The following RBFOX1 variants were observed in gnomAD, a reference collection of about 807,000 sequenced individuals.
RBFOX1 encodes the protein RNA binding protein fox-1 homolog 1.
In RBFOX1, 8 loss-of-function variants were observed where a neutral mutation model predicts 57.7. The observed-to-expected ratio is 0.14, with a 90% CI of 0.08 to 0.25. The LOEUF is 0.25. Ranked by LOEUF, RBFOX1 falls within the 10% of genes least tolerant of loss-of-function variation. The probability of loss-of-function intolerance (pLI) is 1.00; values close to 1 mark genes in which losing one functional copy is unlikely to be tolerated. For missense variants in RBFOX1, 611 were observed against 548.5 expected (o/e 1.11, Z -1.14); for synonymous variants, 326 against 222.4 (o/e 1.47, Z -4.15).
intron 3 of RBFOX1, among the ~76,000 whole-genome samples, chr16:6,695,454 G>C (rs1187546695): frequency 7.1e-6 from 1 of 140,406 alleles, no homozygotes; most frequent in Non-Finnish European, 1.6e-5. Context: ...GAAGGGAAAG[G>C]AAAGGAAAAG....
At chr16:7,442,224 C>G (rs148407610) in intron 4 of RBFOX1, among the ~76,000 whole-genome samples, 1 of 152,240 alleles carries the variant, frequency 6.6e-6, no homozygotes, top group Non-Finnish European at 1.5e-5. Flanking sequence ...GGTCTCCTGA[C>G]TACTCCAATG....
At chr16:7,065,616 A>C (rs1433523759) in intron 4 of RBFOX1, among the ~76,000 whole-genome samples, 1 of 152,246 alleles carries the variant, frequency 6.6e-6, no homozygotes, top group African/African-American at 2.4e-5. Context: ...TGAACTAATT[A>C]GCATTGCATG....
intron 4 of RBFOX1, among the ~76,000 whole-genome samples, chr16:7,409,148 G>A (rs1198799804): frequency 1.3e-5 from 2 of 152,162 alleles, no homozygotes; most frequent in East Asian, 1.9e-4. Context: ...CTGTGATCAG[G>A]TTCCGGGAGC....
chr16:6,961,746 C>G (rs1452297345), intron 3 of RBFOX1, among the ~76,000 whole-genome samples: 2 of 152,142 alleles, frequency 1.3e-5, no homozygotes, highest in African/African-American at 4.8e-5. Context: ...GTGATTGTTT[C>G]ACGGCGTTTT....
chr16:5,634,453 A>T (rs1474720713), intron 3 of RBFOX1, among the ~76,000 whole-genome samples: 1 of 152,258 alleles, frequency 6.6e-6, no homozygotes, highest in Non-Finnish European at 1.5e-5. Context: ...ATCATTTTAA[A>T]TTGCAAAGGG....
chr16:6,118,328 C>G (rs1020626567), intron 1 of RBFOX1, among the ~76,000 whole-genome samples: 19 of 152,082 alleles, frequency 1.2e-4, no homozygotes, highest in African/African-American at 4.3e-4. Flanking sequence ...TTACAAAATA[C>G]CTTACATTGG....
At chr16:7,132,938 A>C (rs1488330799) in intron 4 of RBFOX1, among the ~76,000 whole-genome samples, 1 of 152,202 alleles carries the variant, frequency 6.6e-6, no homozygotes, top group Admixed American at 6.5e-5. Context: ...ACATTTTTTC[A>C]CTTGTGATTC....
chr16:5,435,163 C>A lies in RBFOX1; in HGVS notation c.220-32053C>A, dbSNP rs185166154. ...TCTCTAGCAACTCACCTGATTCTTC[C>A]CTGTGGTTCCCCCTGTTTACGCTCT... On this transcript the variant is annotated intron_variant, in intron 1 of 2. Transcript: ENST00000585867. Among the ~76,000 whole-genome samples the A allele has an allele frequency of 9.9e-4, 150 of 152,284 alleles. 1 individual carries two copies. Among genetic ancestry groups the A allele is most frequent in the Middle Eastern group, 3.4e-3 (1 of 294 alleles).
chr16:7,416,276 C>T (rs780474745), intron 4 of RBFOX1, among the ~76,000 whole-genome samples: 6 of 152,218 alleles, frequency 3.9e-5, no homozygotes, highest in Non-Finnish European at 7.3e-5. Context: ...GTCTCTCAGA[C>T]TACTCTGTGC....
chr16:7,330,469 G>T (rs1278874529), intron 4 of RBFOX1, among the ~76,000 whole-genome samples: 1 of 103,302 alleles, frequency 9.7e-6, no homozygotes, highest in Non-Finnish European at 1.9e-5. Flanking sequence ...AATATGGAGA[G>T]CTCTGTGTGT....
At chr16:6,013,299 A>C (rs1265221402) in intron 4 of RBFOX1, among the ~76,000 whole-genome samples, 1 of 152,214 alleles carries the variant, frequency 6.6e-6, no homozygotes, top group African/African-American at 2.4e-5. Flanking sequence ...CTTAGTTTCT[A>C]CTTATTATTA....
intron 1 of RBFOX1, among the ~76,000 whole-genome samples, chr16:6,099,526 G>T (rs150177750): frequency 1.2e-3 from 178 of 152,192 alleles, no homozygotes; most frequent in African/African-American, 4.0e-3. Context: ...AGGGTCTGAG[G>T]GGATGGGGAA....
chr16:6,360,487 C>T (rs1489818189), intron 2 of RBFOX1, among the ~76,000 whole-genome samples: 1 of 152,078 alleles, frequency 6.6e-6, no homozygotes, highest in Non-Finnish European at 1.5e-5. Context: ...ACAGCTTACA[C>T]CTCAGGTTTT....
At chr16:6,604,964 A>G (rs916809766) in intron 2 of RBFOX1, among the ~76,000 whole-genome samples, 11 of 152,066 alleles carry the variant, frequency 7.2e-5, no homozygotes, top group African/African-American at 2.7e-4. Flanking sequence ...GCAAAACCTC[A>G]TCTTTACCAA....
intron 4 of RBFOX1, among the ~76,000 whole-genome samples, chr16:7,504,771 T>TTATATATATATATA (rs1200144121): frequency 4.0e-5 from 2 of 49,834 alleles, no homozygotes; most frequent in Admixed American, 2.5e-4. Flanking sequence ...ATATATATAT[T>TTATATATATATATA]TATATATATA....
intron 2 of RBFOX1, among the ~76,000 whole-genome samples, chr16:6,463,830 TAGA>T (rs2094976994): frequency 6.6e-6 from 1 of 152,064 alleles, no homozygotes; most frequent in Admixed American, 6.6e-5. Context: ...TCCCCACTGT[TAGA>T]AGGAGGTGAG....
chr16:7,482,899 G>C (rs952580494), intron 4 of RBFOX1, among the ~76,000 whole-genome samples: 1 of 152,132 alleles, frequency 6.6e-6, no homozygotes, highest in Non-Finnish European at 1.5e-5. Context: ...GAGGGGGGCA[G>C]CTTTTGGCTG....
chr16:5,752,913 C>G lies in RBFOX1; in HGVS notation c.319-114390C>G, dbSNP rs139507933. Among the ~76,000 whole-genome samples, 640 of 152,298 alleles carry G rather than the reference C, an allele frequency of 4.2e-3. 6 individuals are homozygous for G. Among genetic ancestry groups the G allele is most frequent in the African/African-American group, 0.014 (600 of 41,570 alleles). The stretch of plus-strand genomic sequence containing the variant: ...AAAGAGTGCCCAGCACTTTGGGAGG[C>G]TGAGGCAAGAGGATCGCTTGAGCCT... On this transcript the variant is annotated intron_variant, in intron 3 of 19. Coordinates refer to the RBFOX1 transcript ENST00000641259.
intron 3 of RBFOX1, among the ~76,000 whole-genome samples, chr16:5,856,575 G>GTGTGTGTGTGTGTGTATA (rs1192496608): frequency 3.0e-5 from 1 of 32,920 alleles, no homozygotes; most frequent in Non-Finnish European, 5.7e-5. Context: ...GTGTGTGTGT[G>GTGTGTGTGTGTGTGTATA]TATATATATA....
Sources: gnomAD v4.1 joint callset for allele counts (sites outside exome capture counted in the v4.1 genomes callset) on GRCh38, gnomAD v4.1.1 for gene constraint, MANE v1.5 for transcripts, NCBI Gene and HGNC (gene_info 2026-07-23, HGNC 2026-07-21) for gene names.